The following INPP5D variants were observed in gnomAD, a reference collection of about 807,000 sequenced individuals.
The protein encoded by INPP5D is inositol polyphosphate-5-phosphatase D, also known as phosphatidylinositol 3,4,5-trisphosphate 5-phosphatase 1.
Under a neutral mutation model 122.9 loss-of-function variants are expected in INPP5D, and 33 were observed. The observed-to-expected ratio is 0.27, with a 90% confidence interval of 0.20 to 0.36. The LOEUF is 0.36. INPP5D is among the 10% of genes least tolerant of loss of function. INPP5D has a pLI of 1.00. For missense variants in INPP5D, 1,053 were observed against 1,412.7 expected, an observed-to-expected ratio of 0.75 and a Z score of 4.08; for synonymous variants, 584 against 576.2, an observed-to-expected ratio of 1.01 and a Z score of -0.19.
At chr2:233,090,961 A>T (rs1691974628) in intron 2 of INPP5D, among the ~76,000 whole-genome samples, 1 of 151,218 alleles carries the variant, frequency 6.6e-6, no homozygotes, top group African/African-American at 2.4e-5. Context: ...TCCGTCTCAA[A>T]GAAAAAAAAA....
In INPP5D at chr2:233,198,272, G is replaced by T; in HGVS notation, c.2871G>T (p.Arg957Ser). The T allele has an allele frequency of 1.2e-6, 2 of 1,613,512 alleles. No homozygotes were observed. The highest frequency in any genetic ancestry group is 2.7e-5 in the African/African-American group (2 of 75,020). ...AGGACTCCCCGCTGGGGCCCTGCAG[G>T]GGAGAAAGTCCTCCGACACCTCCCG... ...PPKDSPLGPC[R>S]GESPPTPPGQ... The change falls in exon 25 of 27, where the codon AGG becomes AGT. Residue 957 changes from arginine to serine, a missense_variant. Transcript: ENST00000445964.
chr2:233,153,056 C>T (rs1444953471), intron 9 of INPP5D, among the ~76,000 whole-genome samples: 1 of 152,184 alleles, frequency 6.6e-6, no homozygotes, highest in Non-Finnish European at 1.5e-5. Context: ...GGTAGACCAG[C>T]CAGCACCTGC....
At position 233,189,194 on chromosome 2, in the gene INPP5D, G is replaced by A. The variant is rs1694990589; in HGVS notation, c.2359-656G>A. ...AGCCAGGCCAGCAGGGCCTCTGGGG[G>A]AGCTGGCACTCCCCAGCTCTGGAAA... On this transcript the variant is annotated intron_variant, in intron 21 of 26. Coordinates refer to ENST00000445964, the MANE Select transcript of INPP5D (RefSeq NM_001017915.3). The surrounding 1 kb of genome is among the most constrained non-coding windows in gnomAD (Gnocchi z 5.6). Among the ~76,000 whole-genome samples, 1 of 152,182 alleles carries A rather than the reference G, an allele frequency of 6.6e-6. No individual in the cohort carries two copies. Among genetic ancestry groups the A allele is most frequent in the African/African-American group, 2.4e-5 (1 of 41,452 alleles).
intron 4 of INPP5D, among the ~76,000 whole-genome samples, chr2:233,126,140 C>T (rs1036872177): frequency 1.6e-4 from 24 of 152,216 alleles, no homozygotes; most frequent in African/African-American, 4.1e-4. Context: ...AAGTGCTCCA[C>T]GGGGGTGGGG....
chr2:233,073,871 G>A (rs115569669), intron 1 of INPP5D, among the ~76,000 whole-genome samples: 202 of 152,066 alleles, frequency 1.3e-3, no homozygotes, highest in Non-Finnish European at 2.0e-3. Flanking sequence ...TAAACGTCCC[G>A]GCTGTCCCTA....
At chr2:233,119,593 TACTA>T (rs66495390) in intron 2 of INPP5D, among the ~76,000 whole-genome samples, 46,789 of 151,774 alleles carry the variant, frequency 0.31, 9,258 homozygotes, top group Non-Finnish European at 0.43. Context: ...TCTATAAATT[TACTA>T]ACTAAGACAC....
At chr2:233,154,874 TG>T (rs1694006880) in intron 9 of INPP5D, among the ~76,000 whole-genome samples, 1 of 152,262 alleles carries the variant, frequency 6.6e-6, no homozygotes, top group Non-Finnish European at 1.5e-5. Context: ...GATGGGCTTT[TG>T]TTACATTCCA....
At chr2:233,203,560 T>C (rs1695396107) in intron 25 of INPP5D, among the ~76,000 whole-genome samples, 2 of 152,114 alleles carry the variant, frequency 1.3e-5, no homozygotes, top group Non-Finnish European at 2.9e-5. Context: ...TCACTTGAGG[T>C]GAAATTCACT....
intron 17 of INPP5D, among the ~76,000 whole-genome samples, chr2:233,173,793 C>T (rs997435906): frequency 5.9e-5 from 9 of 152,156 alleles, no homozygotes; most frequent in African/African-American, 1.7e-4. Flanking sequence ...ATTAGCTAGG[C>T]GTAGTGGTGT....
intron 21 of INPP5D, among the ~76,000 whole-genome samples, chr2:233,186,868 G>T (rs1436022682): frequency 6.6e-6 from 1 of 150,802 alleles, no homozygotes; most frequent in African/African-American, 2.4e-5. Flanking sequence ...GACTACAGAT[G>T]TGCACCACCA....
chr2:233,101,963 A>C (rs1042350274), intron 2 of INPP5D, among the ~76,000 whole-genome samples: 7 of 151,962 alleles, frequency 4.6e-5, no homozygotes, highest in African/African-American at 1.7e-4. Flanking sequence ...TTGCTGGTCC[A>C]TTAGCACAGT....
At chr2:233,193,141 G>A (rs1217402031) in intron 22 of INPP5D, among the ~76,000 whole-genome samples, 2 of 152,294 alleles carry the variant, frequency 1.3e-5, no homozygotes, top group African/African-American at 2.4e-5. Context: ...AGCCCGCCTC[G>A]GCCTCCCAAA....
At chr2:233,135,246 G>A (rs1693436761) in intron 5 of INPP5D, among the ~76,000 whole-genome samples, 1 of 151,254 alleles carries the variant, frequency 6.6e-6, no homozygotes, top group Non-Finnish European at 1.5e-5. Context: ...ACTCAGGCTG[G>A]AATGCAGTAG....
chr2:233,081,277 A>G (rs1691681971), intron 2 of INPP5D, among the ~76,000 whole-genome samples: 1 of 151,494 alleles, frequency 6.6e-6, no homozygotes, highest in Non-Finnish European at 1.5e-5. Flanking sequence ...AATGACCTCT[A>G]CCATTTTTTT....
At chr2:233,169,014 T>G (rs1425615722) in intron 13 of INPP5D, 1 of 368,740 alleles carries the variant, frequency 2.7e-6, no homozygotes, top group Non-Finnish European at 5.1e-6. Context: ...GGCTTCTGGC[T>G]GCCCGCTTAG....
intron 10 of INPP5D, 23 bp from the exon 11 acceptor site, chr2:233,161,701 T>C (rs1193810485): frequency 6.2e-7 from 1 of 1,603,494 alleles, no homozygotes; most frequent in African/African-American, 1.3e-5. Context: ...CCTTTCTAAG[T>C]CTGTCTGCCC....
intron 2 of INPP5D, among the ~76,000 whole-genome samples, chr2:233,108,528 T>G (rs1473397616): frequency 1.3e-5 from 2 of 152,240 alleles, no homozygotes; most frequent in Non-Finnish European, 1.5e-5. Flanking sequence ...TCTTTCTTTT[T>G]TATTTAAACG....
At chr2:233,179,736 G>GGA (rs1415523037) in intron 18 of INPP5D, among the ~76,000 whole-genome samples, 1 of 152,148 alleles carries the variant, frequency 6.6e-6, no homozygotes, top group African/African-American at 2.4e-5. Flanking sequence ...TTAATGAGTT[G>GGA]GGGTTGAGGG....
In INPP5D at chr2:233,193,809, C is replaced by T. The variant is rs1695111788; in HGVS notation, c.2447-3C>T. 1 of 1,613,950 alleles carries T rather than the reference C, an allele frequency of 6.2e-7. No individual in the cohort carries two copies. Among genetic ancestry groups the T allele is most frequent in the Non-Finnish European group, 8.5e-7 (1 of 1,179,898 alleles). On this transcript the variant is annotated splice_polypyrimidine_tract_variant and splice_region_variant and intron_variant, in intron 22 of 26. Coordinates refer to ENST00000445964, the MANE Select transcript of INPP5D (RefSeq NM_001017915.3). ...ACCCAGCTGTCTCCCACTTTCCCTG[C>T]AGGCGAGGGCTGCATTGCCCTTCGG... is the stretch of plus-strand genomic sequence containing the variant.
Sources: allele counts gnomAD v4.1 joint callset (sites outside exome capture counted in the v4.1 genomes callset), GRCh38; gene constraint gnomAD v4.1.1; non-coding constraint Gnocchi (gnomAD v3.1); transcripts MANE v1.5; gene names NCBI Gene and HGNC (gene_info 2026-07-23, HGNC 2026-07-21).